FAM114A1: variants seen among roughly 807,000 people sequenced by gnomAD.
The protein encoded by FAM114A1 is protein NOXP20.
In FAM114A1, 62 loss-of-function variants were observed where a neutral mutation model predicts 64.3. That is an observed-to-expected ratio of 0.96 (90% CI 0.79 to 1.19). FAM114A1 has a LOEUF of 1.19. Ranked by LOEUF, FAM114A1 falls within the 50% of genes most tolerant of loss-of-function variation. FAM114A1 has a pLI of 0.00. For missense variants in FAM114A1, 645 were observed against 676.3 expected (o/e 0.95, Z 0.51); for synonymous variants, 254 against 251.1 (o/e 1.01, Z -0.11).
Position 38,905,823 on chromosome 4 carries a change from G to A in FAM114A1, c.619G>A (p.Gly207Ser). The A allele has an allele frequency of 6.2e-6, 10 of 1,613,904 alleles. No individual in the cohort carries two copies. Among genetic ancestry groups the A allele is most frequent in the Non-Finnish European group, 8.5e-6 (10 of 1,179,968 alleles). ...CACTTCCCCTTCATCAGCCTCTCGG[G>A]GTATGCTGTCTGCCATCACCAATGT... ...PPTSPSSASRGMLSAITNVVQ... is the reference protein window; with the variant it reads ...PPTSPSSASRSMLSAITNVVQ... The change falls in exon 6 of 15, where the codon GGT (glycine) becomes AGT (serine). Residue 207 changes from glycine to serine, a missense_variant. Physicochemically the swap from Gly to Ser is moderately conservative, Grantham distance 56. Transcript: ENST00000358869.
chr4:38,905,395 T>C, intron 4 of FAM114A1, 127 bp from the exon 5 acceptor site: 1 of 696,768 alleles, frequency 1.4e-6, no homozygotes, highest in Non-Finnish European at 2.4e-6. Context: ...CAAGACTCCA[T>C]CTTTTAAAAA....
intron 4 of FAM114A1, among the ~76,000 whole-genome samples, chr4:38,892,764 A>C (rs1055741690): frequency 6.6e-6 from 1 of 152,372 alleles, no homozygotes; most frequent in East Asian, 1.9e-4. Flanking sequence ...GCGATAGGCC[A>C]TGAATTGGTC....
chr4:38,906,963 G>A (rs975632979), intron 6 of FAM114A1, among the ~76,000 whole-genome samples: 2 of 152,134 alleles, frequency 1.3e-5, no homozygotes, highest in South Asian at 2.1e-4. Flanking sequence ...CAGTATCTAT[G>A]CTAGATCTTG....
chr4:38,884,136 G>C (rs1579305982), intron 3 of FAM114A1, among the ~76,000 whole-genome samples: 1 of 152,332 alleles, frequency 6.6e-6, no homozygotes, highest in African/African-American at 2.4e-5. Flanking sequence ...GAATAATTGA[G>C]AAGATGGTGA....
chr4:38,936,417 G>A (rs1721103292), intron 13 of FAM114A1, among the ~76,000 whole-genome samples: 1 of 151,154 alleles, frequency 6.6e-6, no homozygotes, highest in Non-Finnish European at 1.5e-5. Context: ...TAAAGTGTCA[G>A]ATGAAGGTTC....
At chr4:38,886,461 G>A (rs1041676757) in intron 3 of FAM114A1, among the ~76,000 whole-genome samples, 2 of 151,604 alleles carry the variant, frequency 1.3e-5, no homozygotes, top group African/African-American at 4.8e-5. Context: ...GTGAGCTATG[G>A]TGCCCGGCCA....
intron 2 of FAM114A1, among the ~76,000 whole-genome samples, chr4:38,868,749 G>T (rs1287419190): frequency 6.6e-6 from 1 of 152,182 alleles, no homozygotes; most frequent in Non-Finnish European, 1.5e-5. Context: ...CAGCCAACCT[G>T]TGACAACTGA....
At chr4:38,880,412 A>G (rs866234858) in intron 3 of FAM114A1, among the ~76,000 whole-genome samples, 6 of 152,214 alleles carry the variant, frequency 3.9e-5, no homozygotes, top group African/African-American at 1.4e-4. Context: ...AAGTATCTGG[A>G]GACAAGCCCT....
chr4:38,915,091 G>A lies in FAM114A1; in HGVS notation c.945+18G>A, dbSNP rs768559895. 7.4e-6 allele frequency: 12 copies of A among 1,611,030 alleles called. No individual in the cohort carries two copies. Among genetic ancestry groups the A allele is most frequent in the African/African-American group, 6.7e-5 (5 of 74,826 alleles). Reference sequence around the variant, plus strand: ...AAAGCAAGGTACTTCTGCACTACTCGTTTGAAATGGCATGCTTAGTCATGT... The same window carrying A: ...AAAGCAAGGTACTTCTGCACTACTCATTTGAAATGGCATGCTTAGTCATGT... On this transcript the variant is annotated intron_variant, in intron 8 of 14. Coordinates refer to ENST00000358869, the MANE Select transcript of FAM114A1 (RefSeq NM_138389.4).
At chr4:38,918,820 G>A (rs149734761) in intron 8 of FAM114A1, among the ~76,000 whole-genome samples, 158 of 152,168 alleles carry the variant, frequency 1.0e-3, no homozygotes, top group African/African-American at 3.5e-3. Flanking sequence ...TTAGAGCCAG[G>A]CATGGTGGCA....
At chr4:38,885,952 T>C (rs1368969039) in intron 3 of FAM114A1, among the ~76,000 whole-genome samples, 2 of 152,084 alleles carry the variant, frequency 1.3e-5, no homozygotes, top group African/African-American at 4.8e-5. Flanking sequence ...AGTCAGAAGA[T>C]AGGCCATCAG....
In FAM114A1 at chr4:38,878,544, C is replaced by A. The variant is rs959414806; in HGVS notation, c.348+118C>A. The A allele has an allele frequency of 9.2e-6, 7 of 759,234 alleles. No homozygotes were observed. In the African/African-American group the frequency reaches 1.1e-4, roughly 12 times the overall value. 47.0% of individuals were successfully genotyped at this position (759,234 alleles called of 1,614,324 possible). On this transcript the variant is annotated intron_variant, in intron 3 of 14. Coordinates refer to ENST00000358869, the MANE Select transcript of FAM114A1 (RefSeq NM_138389.4). Reference sequence around the variant, plus strand: ...GGAGTTCAAAATGTACTGTGACATCCCCTCTGTCATCAGAAATGTGTAGTG... The same window carrying A: ...GGAGTTCAAAATGTACTGTGACATCACCTCTGTCATCAGAAATGTGTAGTG...
intron 2 of FAM114A1, among the ~76,000 whole-genome samples, chr4:38,873,194 A>G (rs893171777): frequency 6.6e-6 from 1 of 152,218 alleles, no homozygotes; most frequent in Non-Finnish European, 1.5e-5. Context: ...GGAAGTCTGC[A>G]TTCGTTGCCA....
At chr4:38,905,978 G>C (rs1438752071) in intron 6 of FAM114A1, 117 bp downstream of exon 6, 1 of 845,984 alleles carries the variant, frequency 1.2e-6, no homozygotes, top group African/African-American at 1.8e-5. Context: ...TCAGAACTTT[G>C]GATTATGGTT....
At chr4:38,931,049 AGCCGC>A (rs1720584018) in intron 10 of FAM114A1, among the ~76,000 whole-genome samples, 1 of 152,202 alleles carries the variant, frequency 6.6e-6, no homozygotes, top group Admixed American at 6.5e-5. Context: ...CATTTGCTGT[AGCCGC>A]GGCCCCATGG....
intron 2 of FAM114A1, among the ~76,000 whole-genome samples, chr4:38,871,782 A>G (rs544479926): frequency 6.6e-6 from 1 of 152,294 alleles, no homozygotes; most frequent in East Asian, 1.9e-4. Context: ...TCTGCCATAA[A>G]CCCACACATG....
chr4:38,879,446 A>C (rs185936506), intron 3 of FAM114A1, among the ~76,000 whole-genome samples: 1 of 152,314 alleles, frequency 6.6e-6, no homozygotes, highest in Admixed American at 6.5e-5. Context: ...TCTGCGCTTC[A>C]GGTTTTTCCT....
In FAM114A1 at chr4:38,874,745, C is replaced by T. The variant is rs186314809; in HGVS notation, c.-8-3326C>T. Among the ~76,000 whole-genome samples, 220 of 152,152 alleles carry T rather than the reference C, an allele frequency of 1.4e-3. 2 individuals carry two copies. The highest frequency in any genetic ancestry group is 5.1e-3 in the African/African-American group (210 of 41,520). On this transcript the variant is annotated intron_variant, in intron 2 of 14. Transcript: ENST00000358869. ...TTTGTCATGAAATCTTTGCCAGGGC[C>T]GATATCCAGGATAGTGTTTCCTATG...
At chr4:38,880,074 TAAATA>T (rs60653462) in intron 3 of FAM114A1, among the ~76,000 whole-genome samples, 9,851 of 130,142 alleles carry the variant, frequency 0.076, 629 homozygotes, top group African/African-American at 0.1. Context: ...CTCAAAAAAA[TAAATA>T]AAATAAAATA....
Sources: gnomAD v4.1 joint callset for allele counts (sites outside exome capture counted in the v4.1 genomes callset) on GRCh38, gnomAD v4.1.1 for gene constraint, MANE v1.5 for transcripts, NCBI Gene and HGNC (gene_info 2026-07-23, HGNC 2026-07-21) for gene names.